Variants in FGD5 observed in about 807,000 individuals in gnomAD.
FGD5 encodes FYVE, RhoGEF and PH domain-containing protein 5.
In FGD5, 28 loss-of-function variants were observed where a neutral mutation model predicts 133.4. The observed-to-expected ratio is 0.21, with a 90% CI of 0.16 to 0.29. The LOEUF is 0.29. Among genes scored for constraint, FGD5 ranks in the 10% least tolerant of loss-of-function variants. The probability of loss-of-function intolerance (pLI) is 1.00; values close to 1 mark genes in which losing one functional copy is unlikely to be tolerated. For synonymous variants in FGD5, 810 were observed against 776.5 expected (o/e 1.04, Z -0.72); for missense variants, 1,858 against 1,895.2 (o/e 0.98, Z 0.36).
intron 4 of FGD5, among the ~76,000 whole-genome samples, chr3:14,884,016 A>G (rs1214482240): frequency 6.6e-6 from 1 of 152,218 alleles, no homozygotes; most frequent in Non-Finnish European, 1.5e-5. Flanking sequence ...GTTAGAACAT[A>G]GAAAATTTTG....
At chr3:14,882,052 G>A (rs370544226) in intron 4 of FGD5, among the ~76,000 whole-genome samples, 1 of 152,134 alleles carries the variant, frequency 6.6e-6, no homozygotes. Context: ...TGGTGCTCTC[G>A]GCCCCTCATT....
intron 4 of FGD5, among the ~76,000 whole-genome samples, chr3:14,890,840 CT>C (rs1402159968): frequency 6.6e-6 from 1 of 152,198 alleles, no homozygotes; most frequent in Non-Finnish European, 1.5e-5. Flanking sequence ...TTCCTTTTCT[CT>C]CCCAGCACTG....
At chr3:14,885,422 G>A (rs148032025) in intron 4 of FGD5, among the ~76,000 whole-genome samples, 308 of 152,240 alleles carry the variant, frequency 2.0e-3, no homozygotes, top group Non-Finnish European at 3.5e-3. Context: ...CCTTCTGTCC[G>A]CAGGTGCAGT....
At chr3:14,920,271 G>C (rs1323188196) in intron 13 of FGD5, 4 of 152,132 alleles carry the variant, frequency 2.6e-5, no homozygotes, top group Non-Finnish European at 5.9e-5. Context: ...CTATCACATG[G>C]GGGTTTATCC....
chr3:14,924,117 A>T lies in FGD5; in HGVS notation c.4047A>T (p.Lys1349Asn), dbSNP rs376304868. The T allele has an allele frequency of 6.2e-6, 10 of 1,613,986 alleles. No homozygotes were observed. Among genetic ancestry groups the T allele is most frequent in the African/African-American group, 1.3e-5 (1 of 75,052 alleles). The change falls in exon 17 of 20, where the codon AAA becomes AAT. Residue 1349 changes from lysine to asparagine, a missense_variant. By Grantham distance (94) the Lys-to-Asn change is moderately conservative (BLOSUM62 0). Transcript: ENST00000285046. The part of the protein sequence containing the change: ...INPSTFKKQK[K>N]VPSALTEVAA... Reference sequence around the variant, plus strand: ...CCTCGACCTTCAAGAAGCAGAAGAAAGTCCCTTCAGCCCTGACAGAGGTAA... The same window carrying T: ...CCTCGACCTTCAAGAAGCAGAAGAATGTCCCTTCAGCCCTGACAGAGGTAA...
chr3:14,818,939 C>T, upstream of FGD5: 2 of 1,438,348 alleles, frequency 1.4e-6, no homozygotes, highest in Non-Finnish European at 1.8e-6. Flanking sequence ...CTCCTTTTCT[C>T]TATTTTTGTC....
intron 2 of FGD5, among the ~76,000 whole-genome samples, chr3:14,879,757 A>G (rs1034312211): frequency 5.3e-5 from 8 of 152,218 alleles, no homozygotes; most frequent in African/African-American, 1.9e-4. Context: ...CCCGTTGAGC[A>G]GGGAGGATCA....
At chr3:14,880,253 C>G (rs1575227949) in intron 2 of FGD5, among the ~76,000 whole-genome samples, 1 of 152,054 alleles carries the variant, frequency 6.6e-6, no homozygotes, top group Non-Finnish European at 1.5e-5. Flanking sequence ...ACTCAGGAGG[C>G]TGAGGTAGGA....
At chr3:14,853,636 CTTTTTTTTTTTTTTTT>C (rs34008934) in intron 1 of FGD5, among the ~76,000 whole-genome samples, 2 of 37,128 alleles carry the variant, frequency 5.4e-5, no homozygotes, top group East Asian at 1.3e-3. Flanking sequence ...AAAAGCGTTC[CTTTTTTTTTTTTTTTT>C]TTTTTTTTTT....
chr3:14,858,551 A>G (rs1246267585), intron 1 of FGD5, among the ~76,000 whole-genome samples: 1 of 152,202 alleles, frequency 6.6e-6, no homozygotes, highest in Non-Finnish European at 1.5e-5. Context: ...TACTAGAGAG[A>G]CTATAGACAC....
rs370769024 is a variant in FGD5, at chr3:14,917,276, C to G, written c.3433C>G (p.Pro1145Ala). The change falls in exon 12 of 20, where the codon CCC becomes GCC. Residue 1145 changes from proline to alanine, a missense_variant. Physicochemically the swap from Pro to Ala is conservative, Grantham distance 27 (BLOSUM62 -1). Around this residue, in one of 3 missense-constraint regions of FGD5, gnomAD observed 1,824 missense variants for 1,848.9 expected, o/e 0.99. Transcript: ENST00000285046. The surrounding 1 kb of genome is among the most constrained non-coding windows in gnomAD (Gnocchi z 4.1). ...LMNDVLLYTY[P>A]QKDGKYRLKN... The stretch of plus-strand genomic sequence containing the variant: ...GAACGATGTGCTCCTGTACACCTAT[C>G]CCCAGAAGGATGGGAAGTACCGGCT... The G allele has an allele frequency of 4.3e-6, 7 of 1,613,710 alleles. No individual in the cohort carries two copies. The highest frequency in any genetic ancestry group is 5.1e-6 in the Non-Finnish European group (6 of 1,179,796).
At chr3:14,862,029 A>G (rs294629) in intron 1 of FGD5, among the ~76,000 whole-genome samples, 24,991 of 152,082 alleles carry the variant, frequency 0.16, 2,409 homozygotes, top group East Asian at 0.39. Flanking sequence ...AGGCTGTGCT[A>G]GAGATGCTAG....
intron 1 of FGD5, among the ~76,000 whole-genome samples, chr3:14,837,582 T>G (rs1231508832): frequency 6.6e-6 from 1 of 152,158 alleles, no homozygotes; most frequent in African/African-American, 2.4e-5. Context: ...ACCGGGTTTT[T>G]GTATAAAGCC....
chr3:14,896,537 C>T (rs2038142568), intron 4 of FGD5, among the ~76,000 whole-genome samples: 1 of 151,800 alleles, frequency 6.6e-6, no homozygotes, highest in Non-Finnish European at 1.5e-5. Flanking sequence ...ATGGCGCGAT[C>T]TCGGCTCACT....
chr3:14,896,437 G>A (rs1307933303), intron 4 of FGD5, among the ~76,000 whole-genome samples: 1 of 151,956 alleles, frequency 6.6e-6, no homozygotes, highest in Non-Finnish European at 1.5e-5. Flanking sequence ...TTAAAAACAG[G>A]ATACATGGAA....
chr3:14,882,020 C>T lies in FGD5; in HGVS notation c.2748+1248C>T, dbSNP rs572039631. 8.5e-5 allele frequency among the ~76,000 whole-genome samples: 13 copies of T among 152,268 alleles called. 1 individual carries two copies. The East Asian group carries it at 1.7e-3, about 20-fold the overall frequency. On this transcript the variant is annotated intron_variant, in intron 4 of 19. Transcript: ENST00000285046. ...GATAGCAGCCAGGACCCCAGGAGGG[C>T]GGATAGAGCACTACTCTGGTCTGGT...
intron 2 of FGD5, among the ~76,000 whole-genome samples, chr3:14,866,591 T>C (rs1353743010): frequency 1.3e-5 from 2 of 152,174 alleles, no homozygotes; most frequent in Non-Finnish European, 2.9e-5. Flanking sequence ...ATTCCCCATC[T>C]GTAAGGTTGG....
In FGD5 at chr3:14,819,538, C is replaced by A; in HGVS notation, c.467C>A (p.Thr156Lys). ...GAGGGCTGCGCTGATGAGCCAGGGA[C>A]ACTGGAGCAGGTGTCCAGAAGTGAG... ...EGEGCADEPG[T>K]LEQVSRSEEE... The change falls in exon 1 of 20, where the codon ACA (threonine) becomes AAA (lysine). Residue 156 changes from threonine (T) to lysine (K), a missense_variant. Physicochemically the swap from Thr to Lys is moderately conservative, Grantham distance 78. Coordinates refer to ENST00000285046, the MANE Select transcript of FGD5 (RefSeq NM_152536.4). This position sits in a 1 kb window ranked among gnomAD's most constrained non-coding sequence, Gnocchi z 4.1. 6.4e-7 allele frequency: 1 copy of A among 1,551,446 alleles called. No homozygotes were observed.
intron 18 of FGD5, among the ~76,000 whole-genome samples, chr3:14,928,480 C>T (rs1481463469): frequency 6.6e-6 from 1 of 152,158 alleles, no homozygotes; most frequent in Non-Finnish European, 1.5e-5. Context: ...CATGGTGGCT[C>T]ATGCCTGTAA....
Sources: allele counts gnomAD v4.1 joint callset (sites outside exome capture counted in the v4.1 genomes callset), GRCh38; gene constraint gnomAD v4.1.1; regional missense constraint gnomAD v4.1.1; non-coding constraint Gnocchi (gnomAD v3.1); transcripts MANE v1.5; gene names NCBI Gene and HGNC (gene_info 2026-07-23, HGNC 2026-07-21).